The following CNOT1 variants were observed in gnomAD, a reference collection of about 807,000 sequenced individuals.
CNOT1 encodes the protein CCR4-associated factor 1.
CNOT1 carries 15 observed loss-of-function variants against 273.8 expected under a neutral mutation model. The ratio of observed to expected loss-of-function variants is 0.05; its 90% confidence interval spans 0.04 to 0.08. CNOT1 has a LOEUF of 0.08. CNOT1 is among the 10% of genes least tolerant of loss of function. CNOT1 has a pLI of 1.00. For missense variants in CNOT1, 1,644 were observed against 2,912.2 expected, an observed-to-expected ratio of 0.56 and a Z score of 10.02; for synonymous variants, 1,022 against 1,005.5, an observed-to-expected ratio of 1.02 and a Z score of -0.31.
At chr16:58,582,176 G>A (rs1453081704) in intron 10 of CNOT1, among the ~76,000 whole-genome samples, 3 of 150,738 alleles carry the variant, frequency 2.0e-5, no homozygotes, top group Non-Finnish European at 4.4e-5. Context: ...CCTGTAGACC[G>A]AGCTACTTGG....
At chr16:58,601,817 G>A (rs964361409) in intron 1 of CNOT1, among the ~76,000 whole-genome samples, 4 of 146,910 alleles carry the variant, frequency 2.7e-5, no homozygotes, top group East Asian at 2.0e-4. Context: ...CAGGAGGATC[G>A]CTTGAACCCA....
At chr16:58,590,530 G>A (rs2151991606) in intron 2 of CNOT1, among the ~76,000 whole-genome samples, 1 of 152,264 alleles carries the variant, frequency 6.6e-6, no homozygotes, top group African/African-American at 2.4e-5. Flanking sequence ...AGGAGGCGGA[G>A]GTTGCAGTGA....
chr16:58,580,751 T>A lies in CNOT1; in HGVS notation c.1225A>T (p.Ile409Phe). 6.2e-7 allele frequency: 1 copy of A among 1,611,012 alleles called. No homozygotes were observed. The highest frequency in any genetic ancestry group is 8.5e-7 in the Non-Finnish European group (1 of 1,178,738). ...TCTGGATTTATAAGGGAATGTTGAA[T>A]GAAGGAGAGCTGCAATGAAAGAAAA... Reference protein sequence around the residue: ...WKHAEGQLSFIQHSLINPEIF... With the variant: ...WKHAEGQLSFFQHSLINPEIF... The change falls in exon 12 of 49, where the codon ATT becomes TTT. Residue 409 changes from isoleucine to phenylalanine, a missense_variant. Transcript: ENST00000317147.
intron 46 of CNOT1, among the ~76,000 whole-genome samples, chr16:58,524,932 C>A (rs923340534): frequency 3.3e-5 from 5 of 152,198 alleles, no homozygotes; most frequent in African/African-American, 9.7e-5. Flanking sequence ...TAAAAAACTT[C>A]AGTCACATAC....
At chr16:58,546,929 C>T (rs1183449257) in intron 27 of CNOT1, among the ~76,000 whole-genome samples, 180 bp from the exon 28 acceptor site, 1 of 152,130 alleles carries the variant, frequency 6.6e-6, no homozygotes, top group East Asian at 1.9e-4. Flanking sequence ...CCTCTGTAGC[C>T]ATAACAAAAC....
intron 2 of CNOT1, among the ~76,000 whole-genome samples, chr16:58,596,574 G>A: frequency 6.6e-6 from 1 of 151,942 alleles, no homozygotes. Context: ...GAAGGTGGGG[G>A]CAAAGGTATA....
At chr16:58,580,605 T>A (rs747530417) in intron 12 of CNOT1, 28 bp downstream of exon 12, 1 of 1,595,206 alleles carries the variant, frequency 6.3e-7, no homozygotes, top group Non-Finnish European at 8.5e-7. Context: ...AGTAATCTTT[T>A]AAATGAAAGA....
chr16:58,538,077 C>G lies in CNOT1; in HGVS notation c.5245-17G>C. The G allele has an allele frequency of 6.2e-7, 1 of 1,614,166 alleles. No homozygotes were observed. The highest frequency in any genetic ancestry group is 8.5e-7 in the Non-Finnish European group (1 of 1,180,016). On this transcript the variant is annotated splice_polypyrimidine_tract_variant and intron_variant, in intron 37 of 48. Coordinates refer to ENST00000317147, the MANE Select transcript of CNOT1 (RefSeq NM_016284.5). ...CTCCATTGACTGGCAACACAGAAAA[C>G]ATAATGTGAGAGGGAAAACACTTAA...
At chr16:58,603,742 C>G (rs767002797) in intron 1 of CNOT1, among the ~76,000 whole-genome samples, 1 of 152,030 alleles carries the variant, frequency 6.6e-6, no homozygotes, top group African/African-American at 2.4e-5. Context: ...AGCAATATGG[C>G]TAACTACCTC....
In CNOT1 at chr16:58,586,630, G is replaced by A. The variant is rs2041884522; in HGVS notation, c.552C>T (p.Leu184=). Residue 184 remains leucine, a synonymous_variant, in exon 7 of 49, where the codon CTC becomes CTT. Transcript: ENST00000317147. The part of the protein sequence containing the change: ...QDIAIEVLHL[L]LSHLLFGQKG... ...TCTGCCCAAAGAGGAGATGGGAGAG[G>A]AGGAGGTGTAGGACCTCTATTGCTA... 6.2e-7 allele frequency: 1 copy of A among 1,613,044 alleles called. No individual in the cohort carries two copies. The highest frequency in any genetic ancestry group is 8.5e-7 in the Non-Finnish European group (1 of 1,179,842).
chr16:58,621,813 A>C (rs1445903158), intron 1 of CNOT1, among the ~76,000 whole-genome samples: 1 of 148,236 alleles, frequency 6.7e-6, no homozygotes, highest in African/African-American at 2.5e-5. Flanking sequence ...CAGGAGGCTG[A>C]GGCAGGAGAA....
In CNOT1 at chr16:58,538,077, C is replaced by T; in HGVS notation, c.5245-17G>A. On this transcript the variant is annotated splice_polypyrimidine_tract_variant and intron_variant, in intron 37 of 48. Transcript: ENST00000317147. ...CTCCATTGACTGGCAACACAGAAAACATAATGTGAGAGGGAAAACACTTAA... is the reference window on the plus strand; with the variant it reads ...CTCCATTGACTGGCAACACAGAAAATATAATGTGAGAGGGAAAACACTTAA... The T allele has an allele frequency of 1.9e-6, 3 of 1,614,166 alleles. No homozygotes were observed. The highest frequency in any genetic ancestry group is 2.5e-6 in the Non-Finnish European group (3 of 1,180,016).
chr16:58,531,919 T>G, intron 42 of CNOT1, 39 bp downstream of exon 42: 1 of 1,610,004 alleles, frequency 6.2e-7, no homozygotes, highest in Non-Finnish European at 8.5e-7. Context: ...GCCCAGGTAG[T>G]TATAGTCTTC....
Position 58,581,687 on chromosome 16 carries a change from A to T in CNOT1, c.1045-172T>A, listed in dbSNP as rs182649520. Among the ~76,000 whole-genome samples, 204 of 151,884 alleles carry T rather than the reference A, an allele frequency of 1.3e-3. 1 individual carries two copies. The highest frequency in any genetic ancestry group is 4.6e-3 in the African/African-American group (189 of 41,428). ...TTTTCTTTTTTTTTTTTTAAGACAGAGTCTCACTCCGTTGCTCAGGCTGCA... is the reference window on the plus strand; with the variant it reads ...TTTTCTTTTTTTTTTTTTAAGACAGTGTCTCACTCCGTTGCTCAGGCTGCA... On this transcript the variant is annotated intron_variant, in intron 10 of 48. Transcript: ENST00000317147.
intron 28 of CNOT1, 80 bp downstream of exon 28, chr16:58,546,592 C>T (rs369410085): frequency 2.1e-5 from 33 of 1,608,594 alleles, no homozygotes; most frequent in East Asian, 4.5e-5. Context: ...GTACTTCCCC[C>T]GAAATACCCT....
chr16:58,562,632 GC>G (rs2040897855), intron 16 of CNOT1, among the ~76,000 whole-genome samples: 1 of 151,856 alleles, frequency 6.6e-6, no homozygotes, highest in African/African-American at 2.4e-5. Context: ...GACCAGCCTG[GC>G]CAACACAGTG....
chr16:58,523,982 TCACGC>T (rs1318585078), intron 46 of CNOT1: 2 of 153,530 alleles, frequency 1.3e-5, no homozygotes, highest in African/African-American at 4.8e-5. Flanking sequence ...GCACGGTGGC[TCACGC>T]CTGTAATCCC....
chr16:58,577,159 A>T (rs1384908873), intron 13 of CNOT1, among the ~76,000 whole-genome samples: 2 of 151,770 alleles, frequency 1.3e-5, no homozygotes, highest in Non-Finnish European at 2.9e-5. Context: ...AATATCTAGA[A>T]TTCAGTGAGT....
intron 1 of CNOT1, among the ~76,000 whole-genome samples, chr16:58,601,017 C>T (rs575656081): frequency 1.3e-5 from 2 of 152,310 alleles, no homozygotes; most frequent in East Asian, 1.9e-4. Context: ...TTTAATGGCA[C>T]GGTCTCAGCT....
Sources: allele counts gnomAD v4.1 joint callset (sites outside exome capture counted in the v4.1 genomes callset), GRCh38; gene constraint gnomAD v4.1.1; transcripts MANE v1.5; gene names NCBI Gene and HGNC (gene_info 2026-07-23, HGNC 2026-07-21).